NPAS3: variants seen among roughly 807,000 people sequenced by gnomAD.
NPAS3 encodes neuronal PAS domain protein 3, also known as neuronal PAS domain-containing protein 3.
A neutral mutation model predicts 73.1 loss-of-function variants in NPAS3; 14 were observed. That is an observed-to-expected ratio of 0.19 (90% confidence interval 0.13 to 0.30). The LOEUF is 0.30. NPAS3 is among the 10% of genes least tolerant of loss of function. NPAS3 has a pLI of 1.00. For synonymous variants in NPAS3, 620 were observed against 541.5 expected (o/e 1.14, Z -2.01); for missense variants, 1,096 against 1,250.0 (o/e 0.88, Z 1.86).
intron 2 of NPAS3, among the ~76,000 whole-genome samples, chr14:33,088,007 T>G (rs1270800121): frequency 6.6e-6 from 1 of 152,222 alleles, no homozygotes; most frequent in Non-Finnish European, 1.5e-5. Flanking sequence ...CAATGAATAA[T>G]GATTTGAACC....
At chr14:33,368,308 G>A (rs757979524) in intron 4 of NPAS3, among the ~76,000 whole-genome samples, 1 of 123,732 alleles carries the variant, frequency 8.1e-6, no homozygotes, top group Non-Finnish European at 1.7e-5. Flanking sequence ...GTGATTCTGC[G>A]TTAAAAAAAA....
At chr14:33,731,912 T>C (rs1407064492) in intron 6 of NPAS3, among the ~76,000 whole-genome samples, 1 of 151,504 alleles carries the variant, frequency 6.6e-6, no homozygotes, top group Non-Finnish European at 1.5e-5. Flanking sequence ...AGCTCCTAGT[T>C]TATAATTCAT....
At chr14:33,098,708 G>T (rs551710799) in intron 2 of NPAS3, among the ~76,000 whole-genome samples, 10 of 152,280 alleles carry the variant, frequency 6.6e-5, no homozygotes, top group African/African-American at 2.4e-4. Flanking sequence ...TATAACTAGT[G>T]TATCAAACTA....
intron 2 of NPAS3, among the ~76,000 whole-genome samples, chr14:33,155,369 T>A (rs1001105413): frequency 6.6e-6 from 1 of 152,236 alleles, no homozygotes; most frequent in Non-Finnish European, 1.5e-5. Context: ...AGTTTTCTCC[T>A]GGGTATTTTC....
intron 5 of NPAS3, among the ~76,000 whole-genome samples, chr14:33,595,923 G>C (rs1042999564): frequency 6.6e-6 from 1 of 152,132 alleles, no homozygotes; most frequent in African/African-American, 2.4e-5. Context: ...GACCGCCTAG[G>C]CCTCCCAAAG....
chr14:33,385,845 C>T (rs908012316), intron 4 of NPAS3, among the ~76,000 whole-genome samples: 1 of 152,192 alleles, frequency 6.6e-6, no homozygotes, highest in African/African-American at 2.4e-5. Flanking sequence ...GACAGAGGCA[C>T]AGCTAGATGT....
At chr14:33,526,851 G>T (rs1276297488) in intron 4 of NPAS3, among the ~76,000 whole-genome samples, 2 of 152,046 alleles carry the variant, frequency 1.3e-5, no homozygotes, top group Non-Finnish European at 2.9e-5. Context: ...CAGCCCTTCA[G>T]ACCTCACTGT....
intron 1 of NPAS3, among the ~76,000 whole-genome samples, chr14:32,971,626 G>C (rs2037427902): frequency 1.3e-5 from 2 of 152,152 alleles, no homozygotes. Flanking sequence ...TAGAAGTGAT[G>C]TTTTGTGAGC....
In NPAS3 at chr14:33,056,014, A is replaced by C; in HGVS notation, c.140+20A>C. ...CCAGAAGTATGTTGAAATCTTTGTG[A>C]GTCTTCCTTCTGGCTCGTACATCAG... is the stretch of plus-strand genomic sequence containing the variant. On this transcript the variant is annotated intron_variant, in intron 2 of 11. Transcript: ENST00000356141. The C allele has an allele frequency of 1.2e-6, 1 of 806,368 alleles. No individual in the cohort carries two copies. The highest frequency in any genetic ancestry group is 2.1e-6 in the Non-Finnish European group (1 of 465,466). The allele number at this position is 806,368 out of a possible 1,614,324, so 50.0% of individuals were successfully genotyped here.
At chr14:33,055,774 T>G in intron 1 of NPAS3, 131 bp from the exon 2 acceptor site, 1 of 582,562 alleles carries the variant, frequency 1.7e-6, no homozygotes, top group Non-Finnish European at 3.1e-6. Flanking sequence ...TATGTACACA[T>G]TGCAATTGTG....
At chr14:33,371,619 C>A (rs370878357) in intron 4 of NPAS3, among the ~76,000 whole-genome samples, 1 of 152,034 alleles carries the variant, frequency 6.6e-6, no homozygotes, top group East Asian at 1.9e-4. Context: ...TTTATGTAAC[C>A]ATTTTCCTGC....
intron 6 of NPAS3, among the ~76,000 whole-genome samples, chr14:33,719,517 CA>C (rs1421208981): frequency 6.6e-6 from 1 of 152,172 alleles, no homozygotes; most frequent in East Asian, 1.9e-4. Flanking sequence ...TTTCTAAATA[CA>C]ATATATTTTC....
At chr14:33,681,454 G>A (rs940208571) in intron 6 of NPAS3, among the ~76,000 whole-genome samples, 81 of 152,168 alleles carry the variant, frequency 5.3e-4, no homozygotes, top group Non-Finnish European at 1.1e-3. Flanking sequence ...TCAAACAGAA[G>A]GTGTAATGGA....
chr14:32,939,416 G>GCCGCCGCCT (rs1481346217), intron 1 of NPAS3, 50 bp downstream of exon 1: 38 of 586,914 alleles, frequency 6.5e-5, no homozygotes, highest in Admixed American at 4.9e-4. Flanking sequence ...TGCTCCCGCC[G>GCCGCCGCCT]CCGCCGCCTC....
intron 4 of NPAS3, among the ~76,000 whole-genome samples, chr14:33,543,991 ATATATATATATC>A (rs1459438852): frequency 8.9e-4 from 34 of 38,062 alleles, no homozygotes; most frequent in African/African-American, 3.2e-3. Flanking sequence ...ATATATATAT[ATATATATATATC>A]TATATCAGGA....
At chr14:33,291,712 G>A (rs1357526630) in intron 3 of NPAS3, among the ~76,000 whole-genome samples, 1 of 152,188 alleles carries the variant, frequency 6.6e-6, no homozygotes, top group East Asian at 1.9e-4. Context: ...CAGTTAACAT[G>A]ATACATCATA....
intron 4 of NPAS3, among the ~76,000 whole-genome samples, chr14:33,525,035 C>T (rs2053735190): frequency 6.6e-6 from 1 of 152,102 alleles, no homozygotes; most frequent in African/African-American, 2.4e-5. Context: ...GGAGAGAACA[C>T]AATTCAACCC....
Position 33,676,346 on chromosome 14 carries a change from T to TCAG in NPAS3, c.697_699dup (p.Ala233dup), listed in dbSNP as rs752475403. On this transcript the variant is annotated inframe_insertion, in exon 6 of 12. Coordinates refer to ENST00000356141, the Ensembl canonical transcript of NPAS3. Reference sequence around the variant, plus strand: ...GGGCACTGCTGAGGACGGAGCCAGCTCAGCATCTTCCTCCTCTCAGTCGGA... The same window carrying TCAG: ...GGGCACTGCTGAGGACGGAGCCAGCTCAGCAGCATCTTCCTCCTCTCAGTCGGA... 3 of 1,598,560 alleles carry TCAG rather than the reference T, an allele frequency of 1.9e-6. No homozygotes were observed. In the African/African-American group the frequency reaches 4.1e-5, roughly 22 times the overall value.
At chr14:33,451,010 T>C (rs1404751575) in intron 4 of NPAS3, among the ~76,000 whole-genome samples, 2 of 152,220 alleles carry the variant, frequency 1.3e-5, no homozygotes, top group African/African-American at 4.8e-5. Context: ...ACGCTGAAAA[T>C]GGCTACAACC....
Sources: allele counts gnomAD v4.1 joint callset (sites outside exome capture counted in the v4.1 genomes callset), GRCh38; gene constraint gnomAD v4.1.1; transcripts MANE v1.5; gene names NCBI Gene and HGNC (gene_info 2026-07-23, HGNC 2026-07-21).